The following ROBO1 variants were observed in gnomAD, a reference collection of about 807,000 sequenced individuals.
The protein encoded by ROBO1 is roundabout guidance receptor 1.
A neutral mutation model predicts 195.9 loss-of-function variants in ROBO1; 149 were observed. The ratio of observed to expected loss-of-function variants is 0.76; its 90% CI spans 0.67 to 0.87. The LOEUF is 0.87. Among genes scored for constraint, ROBO1 ranks in the 40% least tolerant of loss-of-function variants. The pLI is 0.00. For synonymous variants in ROBO1, 816 were observed against 733.2 expected (o/e 1.11, Z -1.82); for missense variants, 1,933 against 2,068.3 (o/e 0.93, Z 1.27).
At chr3:79,058,276 A>T (rs2078850123) in intron 3 of ROBO1, among the ~76,000 whole-genome samples, 1 of 152,074 alleles carries the variant, frequency 6.6e-6, no homozygotes, top group South Asian at 2.1e-4. Flanking sequence ...TCCTCTGGCC[A>T]AGGGAATGCC....
At chr3:79,752,218 A>G (rs1704158267) in intron 1 of ROBO1, among the ~76,000 whole-genome samples, 1 of 152,192 alleles carries the variant, frequency 6.6e-6, no homozygotes, top group South Asian at 2.1e-4. Context: ...CAGATAAAGA[A>G]GAGAGAGGAA....
At chr3:79,350,958 T>C (rs1429496372) in intron 2 of ROBO1, among the ~76,000 whole-genome samples, 1 of 152,106 alleles carries the variant, frequency 6.6e-6, no homozygotes, top group Admixed American at 6.6e-5. Context: ...GCCTCCCAAG[T>C]AGCTGTGACT....
chr3:78,983,435 G>A (rs182307401), intron 3 of ROBO1, among the ~76,000 whole-genome samples: 13 of 152,238 alleles, frequency 8.5e-5, no homozygotes, highest in Middle Eastern at 3.4e-3. Flanking sequence ...AAGAACCCTC[G>A]AAGACGTTTA....
chr3:79,307,884 TATATA>T (rs1357833681), intron 2 of ROBO1, among the ~76,000 whole-genome samples: 3 of 152,120 alleles, frequency 2.0e-5, no homozygotes, highest in Admixed American at 1.3e-4. Flanking sequence ...AAATAGGCAT[TATATA>T]ATATGTGTTA....
chr3:79,265,864 C>A (rs1301651435), intron 2 of ROBO1, among the ~76,000 whole-genome samples: 1 of 150,788 alleles, frequency 6.6e-6, no homozygotes, highest in Non-Finnish European at 1.5e-5. Context: ...TGTTATACGA[C>A]CCAATGGTAT....
At chr3:78,890,931 T>C (rs200428614) in intron 4 of ROBO1, among the ~76,000 whole-genome samples, 1 of 152,078 alleles carries the variant, frequency 6.6e-6, no homozygotes, top group African/African-American at 2.4e-5. Context: ...CCAACTAATG[T>C]TTTTTTAGAC....
At chr3:79,690,305 G>C (rs552299434) in intron 1 of ROBO1, among the ~76,000 whole-genome samples, 1 of 151,922 alleles carries the variant, frequency 6.6e-6, no homozygotes, top group Non-Finnish European at 1.5e-5. Flanking sequence ...ATCCTAAAAA[G>C]CAAAGAACCT....
intron 2 of ROBO1, among the ~76,000 whole-genome samples, chr3:79,399,761 C>T (rs958428564): frequency 5.9e-5 from 9 of 152,178 alleles, no homozygotes; most frequent in South Asian, 2.1e-4. Flanking sequence ...GGGCTCATTG[C>T]GTTGAGCGTA....
At chr3:79,736,828 G>A (rs1437779536) in intron 1 of ROBO1, among the ~76,000 whole-genome samples, 2 of 152,148 alleles carry the variant, frequency 1.3e-5, no homozygotes, top group African/African-American at 2.4e-5. Flanking sequence ...TTGTGACCCA[G>A]CAGGCATTGA....
At chr3:79,420,621 A>T (rs2038184945) in intron 2 of ROBO1, among the ~76,000 whole-genome samples, 1 of 152,142 alleles carries the variant, frequency 6.6e-6, no homozygotes. Flanking sequence ...TTTCAGCACT[A>T]CTTGAATCTG....
chr3:78,629,593 G>A (rs1705047922), intron 25 of ROBO1, among the ~76,000 whole-genome samples: 1 of 152,082 alleles, frequency 6.6e-6, no homozygotes, highest in African/African-American at 2.4e-5. Flanking sequence ...CTACTTGGGA[G>A]GCTGAGATGG....
intron 2 of ROBO1, among the ~76,000 whole-genome samples, chr3:79,297,762 A>G (rs2032671452): frequency 6.6e-6 from 1 of 152,098 alleles, no homozygotes; most frequent in African/African-American, 2.4e-5. Context: ...TGTCACTACT[A>G]TATTGTTAGA....
intron 2 of ROBO1, among the ~76,000 whole-genome samples, chr3:79,137,055 G>A (rs1212819214): frequency 6.6e-6 from 1 of 152,028 alleles, no homozygotes; most frequent in African/African-American, 2.4e-5. Flanking sequence ...CATCTCCAAT[G>A]TTGCTGCTAT....
At chr3:78,680,165 T>A (rs1199024248) in intron 10 of ROBO1, among the ~76,000 whole-genome samples, 1 of 152,154 alleles carries the variant, frequency 6.6e-6, no homozygotes, top group Non-Finnish European at 1.5e-5. Context: ...TCCTTACACC[T>A]TATACAAAAA....
chr3:79,245,860 A>G (rs1039587370), intron 2 of ROBO1, among the ~76,000 whole-genome samples: 1 of 152,120 alleles, frequency 6.6e-6, no homozygotes, highest in Non-Finnish European at 1.5e-5. Flanking sequence ...TTACTAAGTA[A>G]TATGTTCCCT....
At chr3:79,088,400 C>A (rs2079414155) in intron 3 of ROBO1, among the ~76,000 whole-genome samples, 1 of 151,998 alleles carries the variant, frequency 6.6e-6, no homozygotes, top group South Asian at 2.1e-4. Flanking sequence ...ATTTAGTAAG[C>A]CATGTAGAAG....
At chr3:79,261,675 C>T (rs1390169531) in intron 2 of ROBO1, among the ~76,000 whole-genome samples, 1 of 151,878 alleles carries the variant, frequency 6.6e-6, no homozygotes, top group African/African-American at 2.4e-5. Flanking sequence ...GTTGATCAGG[C>T]TGCCCTGATA....
rs1180590822 is a variant in ROBO1, at chr3:78,728,838, C to T, written c.658-10955G>A. Among the ~76,000 whole-genome samples the T allele has an allele frequency of 2.6e-5, 4 of 152,280 alleles. No individual in the cohort carries two copies. In the South Asian group the frequency reaches 8.3e-4, roughly 32 times the overall value. On this transcript the variant is annotated intron_variant, in intron 5 of 30. Transcript: ENST00000464233. ...TAGGCAATTAGGATCTCTCCATTGGCGTCCCATATTTGCCTGGGCTACATA... is the reference window on the plus strand; with the variant it reads ...TAGGCAATTAGGATCTCTCCATTGGTGTCCCATATTTGCCTGGGCTACATA...
intron 3 of ROBO1, among the ~76,000 whole-genome samples, chr3:79,034,092 T>G (rs2078341961): frequency 6.6e-6 from 1 of 152,204 alleles, no homozygotes; most frequent in Admixed American, 6.5e-5. Flanking sequence ...GAATGTATTT[T>G]CAGTCAAATC....
Sources: allele counts gnomAD v4.1 joint callset (sites outside exome capture counted in the v4.1 genomes callset), GRCh38; gene constraint gnomAD v4.1.1; transcripts MANE v1.5; gene names NCBI Gene and HGNC (gene_info 2026-07-23, HGNC 2026-07-21).